Variants in TRPM3 observed in about 807,000 individuals in gnomAD.
TRPM3 encodes long transient receptor potential channel 3.
In TRPM3, 77 loss-of-function variants were observed where a neutral mutation model predicts 181.2. The ratio of observed to expected loss-of-function variants is 0.42; its 90% CI spans 0.35 to 0.51. The LOEUF (loss-of-function observed/expected upper bound fraction) is 0.51, where lower values mean the gene tolerates loss of function less well. TRPM3 is among the 20% of genes least tolerant of loss of function. The probability of loss-of-function intolerance (pLI) is 0.01; values close to 1 mark genes in which losing one functional copy is unlikely to be tolerated. For synonymous variants in TRPM3, 745 were observed against 796.4 expected (o/e 0.94, Z 1.09); for missense variants, 1,759 against 2,196.7 (o/e 0.80, Z 3.98).
intron 1 of TRPM3, among the ~76,000 whole-genome samples, chr9:71,315,741 A>G (rs1453786981): frequency 3.3e-5 from 5 of 152,234 alleles, no homozygotes; most frequent in Non-Finnish European, 7.3e-5. Flanking sequence ...AAAGATTTTT[A>G]ATAGTAGAAT....
intron 8 of TRPM3, among the ~76,000 whole-genome samples, chr9:70,686,301 C>T (rs2134329349): frequency 6.6e-6 from 1 of 152,242 alleles, no homozygotes; most frequent in South Asian, 2.1e-4. Flanking sequence ...CAGTCTTCCG[C>T]TAATGAACAT....
intron 1 of TRPM3, among the ~76,000 whole-genome samples, chr9:71,336,722 C>G (rs1384798585): frequency 6.6e-6 from 1 of 152,110 alleles, no homozygotes; most frequent in Non-Finnish European, 1.5e-5. Flanking sequence ...GCTACAGTAA[C>G]CAAAACAGCA....
In TRPM3 at chr9:71,420,711, GAA is replaced by G. The variant is rs1491552761; in HGVS notation, c.183+25940_183+25941del. 5.1e-4 allele frequency among the ~76,000 whole-genome samples: 48 copies of G among 93,400 alleles called. 2 individuals carry two copies. The highest frequency in any genetic ancestry group is 6.8e-4 in the African/African-American group (17 of 24,936). 61.3% of individuals were successfully genotyped at this position (93,400 alleles called of 152,430 possible). A position where few individuals can be genotyped will look rare whatever the true frequency, so the allele number is the denominator to read the frequency against. ...AAAGGGAAAGAGAAAGAGAGAGAAA[GAA>G]AGAGAGAAAGAGAGAGAGAGAGAAA... On this transcript the variant is annotated intron_variant, in intron 1 of 24. Transcript: ENST00000357533.
At chr9:70,947,341 C>T (rs2096944598) in intron 1 of TRPM3, among the ~76,000 whole-genome samples, 4 of 152,172 alleles carry the variant, frequency 2.6e-5, no homozygotes, top group Admixed American at 6.5e-5. Context: ...ATGATTAAAA[C>T]TTAGGTTTTT....
At chr9:71,390,162 CAGAT>C (rs1174492679) in intron 1 of TRPM3, among the ~76,000 whole-genome samples, 1 of 151,814 alleles carries the variant, frequency 6.6e-6, no homozygotes, top group African/African-American at 2.4e-5. Flanking sequence ...TGGACATCCA[CAGAT>C]AGATAAATAT....
chr9:70,799,325 C>T (rs566713723), intron 6 of TRPM3, among the ~76,000 whole-genome samples: 2 of 152,244 alleles, frequency 1.3e-5, no homozygotes, highest in Admixed American at 1.3e-4. Flanking sequence ...AAAGGAAAGG[C>T]AATGATTATT....
At chr9:71,045,246 A>C (rs1655223341) in intron 1 of TRPM3, among the ~76,000 whole-genome samples, 1 of 151,880 alleles carries the variant, frequency 6.6e-6, no homozygotes, top group South Asian at 2.1e-4. Context: ...ACAGGGTTTT[A>C]TTTTTTAAAT....
chr9:71,314,863 T>TA (rs11414067), intron 1 of TRPM3, among the ~76,000 whole-genome samples: 19,640 of 134,850 alleles, frequency 0.15, 1,357 homozygotes, highest in Middle Eastern at 0.33. Flanking sequence ...AAGAGGAAAT[T>TA]AAAAAAAAAA....
intron 1 of TRPM3, among the ~76,000 whole-genome samples, chr9:71,200,684 T>C (rs2078723065): frequency 6.6e-6 from 1 of 152,220 alleles, no homozygotes; most frequent in Non-Finnish European, 1.5e-5. Context: ...TATCAGAGAC[T>C]AGGATTGCAA....
chr9:70,539,527 T>A (rs918922231), intron 25 of TRPM3, among the ~76,000 whole-genome samples: 9 of 150,940 alleles, frequency 6.0e-5, no homozygotes, highest in Non-Finnish European at 1.0e-4. Flanking sequence ...CCAATGCATC[T>A]CAGGGGCCAG....
chr9:71,125,774 G>C (rs563934319), upstream of TRPM3, among the ~76,000 whole-genome samples: 10 of 152,264 alleles, frequency 6.6e-5, no homozygotes, highest in South Asian at 2.1e-3. Context: ...AACCCTAGAA[G>C]ATAATCTAGA....
chr9:71,210,489 A>G (rs1175063653), intron 1 of TRPM3, among the ~76,000 whole-genome samples: 1 of 152,182 alleles, frequency 6.6e-6, no homozygotes, highest in Non-Finnish European at 1.5e-5. Flanking sequence ...CCTGGTGCCC[A>G]AAAGGTCAAG....
At chr9:70,590,832 A>G (rs1465590452) in intron 22 of TRPM3, among the ~76,000 whole-genome samples, 199 bp downstream of exon 22, 1 of 152,210 alleles carries the variant, frequency 6.6e-6, no homozygotes, top group Non-Finnish European at 1.5e-5. Context: ...TGACATACCT[A>G]AAGAAATACC....
At chr9:70,656,970 T>C (rs1260871114) in intron 9 of TRPM3, among the ~76,000 whole-genome samples, 2 of 151,872 alleles carry the variant, frequency 1.3e-5, no homozygotes, top group East Asian at 1.9e-4. Flanking sequence ...ATATTTTATG[T>C]AAGAAAGAAT....
intron 1 of TRPM3, among the ~76,000 whole-genome samples, chr9:71,436,549 C>A (rs979118840): frequency 6.6e-6 from 1 of 151,924 alleles, no homozygotes; most frequent in Admixed American, 6.6e-5. Context: ...TTGATCTGCC[C>A]ACCTCGGCCT....
intron 1 of TRPM3, among the ~76,000 whole-genome samples, chr9:70,991,916 T>C (rs567673823): frequency 2.0e-4 from 31 of 152,190 alleles, no homozygotes; most frequent in Non-Finnish European, 2.5e-4. Flanking sequence ...TTCCTTCTGA[T>C]AAAAATGTCT....
chr9:71,101,784 G>T (rs1260863406), intron 1 of TRPM3, among the ~76,000 whole-genome samples: 1 of 152,130 alleles, frequency 6.6e-6, no homozygotes. Flanking sequence ...ACTTTAGAAA[G>T]TTTGATGTTT....
chr9:70,598,323 C>A, intron 21 of TRPM3, 96 bp downstream of exon 21: 2 of 1,513,264 alleles, frequency 1.3e-6, no homozygotes, highest in East Asian at 2.3e-5. Context: ...CTCATTTAGA[C>A]TTTGATAGCA....
chr9:70,688,184 A>AT (rs1440023217), intron 8 of TRPM3, among the ~76,000 whole-genome samples: 1 of 152,096 alleles, frequency 6.6e-6, no homozygotes, highest in Non-Finnish European at 1.5e-5. Flanking sequence ...ATGCCTGATT[A>AT]TATCACTCTC....
Sources: allele counts gnomAD v4.1 joint callset (sites outside exome capture counted in the v4.1 genomes callset), GRCh38; gene constraint gnomAD v4.1.1; transcripts MANE v1.5; gene names NCBI Gene and HGNC (gene_info 2026-07-23, HGNC 2026-07-21).